The following PRR16 variants were observed in gnomAD, a reference collection of about 807,000 sequenced individuals.
PRR16 encodes the protein proline rich 16.
Under a neutral mutation model 18.2 loss-of-function variants are expected in PRR16, and 6 were observed. The observed-to-expected ratio is 0.33, with a 90% confidence interval of 0.18 to 0.65. PRR16 has a LOEUF of 0.65. Among genes scored for constraint, PRR16 ranks in the 30% least tolerant of loss-of-function variants. The pLI, the probability that PRR16 is intolerant of heterozygous loss-of-function variation, is 0.74. For missense variants in PRR16, 412 were observed against 376.6 expected, an observed-to-expected ratio of 1.09 and a Z score of -0.78; for synonymous variants, 151 against 147.8, an observed-to-expected ratio of 1.02 and a Z score of -0.16.
At chr5:120,515,753 G>A (rs542202719) in intron 1 of PRR16, among the ~76,000 whole-genome samples, 3 of 152,220 alleles carry the variant, frequency 2.0e-5, no homozygotes, top group African/African-American at 7.2e-5. Flanking sequence ...ATTTGAAGGA[G>A]TATGTTGTGA....
At chr5:120,598,567 C>T (rs993568372) in intron 1 of PRR16, among the ~76,000 whole-genome samples, 7 of 151,802 alleles carry the variant, frequency 4.6e-5, no homozygotes, top group African/African-American at 1.4e-4. Context: ...TTTTTCAGCC[C>T]TGCCTCCCTC....
In PRR16 at chr5:120,686,808, A is replaced by G; in HGVS notation, c.*99A>G. 1 of 1,021,308 alleles carries G rather than the reference A, an allele frequency of 9.8e-7. No individual in the cohort carries two copies. Among genetic ancestry groups the G allele is most frequent in the South Asian group, 2.8e-5 (1 of 35,532 alleles). 63.3% of individuals were successfully genotyped at this position (1,021,308 alleles called of 1,614,324 possible). A position where few individuals can be genotyped will look rare whatever the true frequency, so the allele number is the denominator to read the frequency against. On this transcript the variant is annotated 3_prime_UTR_variant, in exon 2 of 2. Coordinates refer to ENST00000407149, the MANE Select transcript of PRR16 (RefSeq NM_001300783.2). ...CTCAAGCAATAAAAAGCCCAAATAT[A>G]TTAATCCTGCATTCAGCAAAGTGGC... is the stretch of plus-strand genomic sequence containing the variant.
At chr5:120,708,350 G>C in the PRR16 span, among the ~76,000 whole-genome samples, 1 of 152,162 alleles carries the variant, frequency 6.6e-6, no homozygotes, top group Non-Finnish European at 1.5e-5. Flanking sequence ...AAATGTTCTA[G>C]TTATGGCTAG....
chr5:120,685,789 C>T (rs1757098722), intron 1 of PRR16, among the ~76,000 whole-genome samples, 165 bp from the exon 2 acceptor site: 1 of 152,122 alleles, frequency 6.6e-6, no homozygotes, highest in African/African-American at 2.4e-5. Context: ...GTGATGGTCA[C>T]TATTCTGTAA....
At chr5:120,702,504 A>T in the PRR16 span, among the ~76,000 whole-genome samples, 1 of 152,082 alleles carries the variant, frequency 6.6e-6, no homozygotes, top group Non-Finnish European at 1.5e-5. Flanking sequence ...CTTCCCCAGA[A>T]AAGCGGGACT....
At chr5:120,766,995 A>G in the PRR16 span, among the ~76,000 whole-genome samples, 1 of 151,976 alleles carries the variant, frequency 6.6e-6, no homozygotes, top group Non-Finnish European at 1.5e-5. Context: ...CTAAGAGAAA[A>G]TGTTTTAAAA....
intron 1 of PRR16, among the ~76,000 whole-genome samples, chr5:120,580,621 A>G (rs559807686): frequency 6.6e-6 from 1 of 151,386 alleles, no homozygotes; most frequent in Non-Finnish European, 1.5e-5. Context: ...CACCCGGCTA[A>G]TTTTTTTGTA....
chr5:120,631,212 T>G (rs4895163), intron 1 of PRR16, among the ~76,000 whole-genome samples: 97,607 of 151,946 alleles, frequency 0.64, 31,954 homozygotes, highest in East Asian at 0.98. Context: ...TTCTGGATTA[T>G]GATTAAGATG....
At chr5:120,757,954 T>C in the PRR16 span, among the ~76,000 whole-genome samples, 5 of 152,216 alleles carry the variant, frequency 3.3e-5, no homozygotes, top group South Asian at 6.2e-4. Context: ...ATTTATGAGA[T>C]AAATAAGGAG....
the PRR16 span, among the ~76,000 whole-genome samples, chr5:120,770,429 A>T: frequency 6.6e-6 from 1 of 152,004 alleles, no homozygotes; most frequent in Non-Finnish European, 1.5e-5. Context: ...AACTTTAAAT[A>T]GATTGAAGAC....
intron 1 of PRR16, among the ~76,000 whole-genome samples, chr5:120,586,397 A>G (rs1753444220): frequency 6.6e-6 from 1 of 152,260 alleles, no homozygotes; most frequent in African/African-American, 2.4e-5. Context: ...TCATTTTATT[A>G]CGATTCACTT....
At chr5:120,710,953 C>G in the PRR16 span, 1 of 115,024 alleles carries the variant, frequency 8.7e-6, no homozygotes, top group African/African-American at 3.0e-5. Flanking sequence ...TTTTTTTTTT[C>G]CCCCCTCAGC....
At chr5:120,518,336 A>G (rs1385746065) in intron 1 of PRR16, among the ~76,000 whole-genome samples, 6 of 151,990 alleles carry the variant, frequency 3.9e-5, no homozygotes, top group African/African-American at 1.5e-4. Context: ...TATATTTGTA[A>G]AGGAATATAC....
intron 1 of PRR16, among the ~76,000 whole-genome samples, chr5:120,521,837 A>G (rs944249611): frequency 6.6e-6 from 1 of 151,970 alleles, no homozygotes; most frequent in African/African-American, 2.4e-5. Flanking sequence ...TTACCCCACC[A>G]TAGGCCCCTG....
At chr5:120,663,063 A>G (rs1756230609) in intron 1 of PRR16, among the ~76,000 whole-genome samples, 3 of 151,916 alleles carry the variant, frequency 2.0e-5, no homozygotes, top group African/African-American at 2.4e-5. Flanking sequence ...TTCTTTCACC[A>G]TTGTCAACCC....
At chr5:120,671,063 C>T (rs1363070913) in intron 1 of PRR16, among the ~76,000 whole-genome samples, 2 of 152,056 alleles carry the variant, frequency 1.3e-5, no homozygotes, top group African/African-American at 4.8e-5. Context: ...TACACACTTC[C>T]TCCTTTTTCT....
intron 1 of PRR16, among the ~76,000 whole-genome samples, chr5:120,506,881 A>G (rs13361121): frequency 0.27 from 41,619 of 151,946 alleles, 7,045 homozygotes; most frequent in African/African-American, 0.48. Flanking sequence ...ATTTGTTCCC[A>G]TCTTATCTTT....
intron 1 of PRR16, among the ~76,000 whole-genome samples, chr5:120,541,944 T>C (rs1332180936): frequency 6.6e-6 from 1 of 152,028 alleles, no homozygotes; most frequent in Non-Finnish European, 1.5e-5. Flanking sequence ...TTAATTACAG[T>C]TTTGAGCACT....
At chr5:120,707,482 T>C in the PRR16 span, among the ~76,000 whole-genome samples, 1 of 152,228 alleles carries the variant, frequency 6.6e-6, no homozygotes, top group South Asian at 2.1e-4. Context: ...TTAAAACTAT[T>C]GTAAGCCACA....
Sources: gnomAD v4.1 joint callset for allele counts (sites outside exome capture counted in the v4.1 genomes callset) on GRCh38, gnomAD v4.1.1 for gene constraint, MANE v1.5 for transcripts, NCBI Gene and HGNC (gene_info 2026-07-23, HGNC 2026-07-21) for gene names.